The following ZSCAN5A variants were observed in gnomAD, a reference collection of about 807,000 sequenced individuals.
ZSCAN5A encodes zinc finger and SCAN domain containing 5A, also known as zinc finger and SCAN domain-containing protein 5A.
ZSCAN5A carries 12 observed loss-of-function variants against 23.7 expected under a neutral mutation model. The ratio of observed to expected loss-of-function variants is 0.51; its 90% confidence interval spans 0.32 to 0.82. The LOEUF is 0.82. ZSCAN5A is among the 40% of genes least tolerant of loss of function. The probability of loss-of-function intolerance (pLI) is 0.03; values close to 1 mark genes in which losing one functional copy is unlikely to be tolerated. For synonymous variants in ZSCAN5A, 257 were observed against 239.9 expected, an observed-to-expected ratio of 1.07 and a Z score of -0.66; for missense variants, 597 against 617.9, an observed-to-expected ratio of 0.97 and a Z score of 0.36.
chr19:56,263,981 T>A (rs2037298841), intron 2 of ZSCAN5A, among the ~76,000 whole-genome samples: 1 of 151,598 alleles, frequency 6.6e-6, no homozygotes, highest in African/African-American at 2.4e-5. Context: ...ACTTTTTTTT[T>A]TTTTTTGAGA....
At chr19:56,305,998 A>C (rs892476036) in intron 2 of ZSCAN5A, among the ~76,000 whole-genome samples, 5 of 152,152 alleles carry the variant, frequency 3.3e-5, no homozygotes, top group Non-Finnish European at 7.4e-5. Context: ...GTGGGAGGGC[A>C]CTATGGGAGG....
At chr19:56,270,042 T>C (rs1387692268) in intron 2 of ZSCAN5A, among the ~76,000 whole-genome samples, 1 of 152,012 alleles carries the variant, frequency 6.6e-6, no homozygotes, top group Non-Finnish European at 1.5e-5. Flanking sequence ...TTCTAACTGA[T>C]TGGCTGTCTG....
chr19:56,363,554 A>G (rs1204914608), intron 1 of ZSCAN5A, among the ~76,000 whole-genome samples: 2 of 152,232 alleles, frequency 1.3e-5, no homozygotes, highest in African/African-American at 4.8e-5. Flanking sequence ...GAGACTGTTA[A>G]GTGGTTGTGA....
At chr19:56,285,009 A>G in intron 2 of ZSCAN5A, 2 of 985,406 alleles carry the variant, frequency 2.0e-6, no homozygotes, top group Non-Finnish European at 2.4e-6. Flanking sequence ...TCTCATGAGC[A>G]GACTGTCACC....
At chr19:56,247,771 C>A (rs1011513692) in intron 2 of ZSCAN5A, among the ~76,000 whole-genome samples, 6 of 151,828 alleles carry the variant, frequency 4.0e-5, no homozygotes, top group Admixed American at 2.6e-4. Context: ...GGCTCACTGC[C>A]AGCTCAGTCT....
At chr19:56,285,412 C>A (rs908163880) in intron 2 of ZSCAN5A, among the ~76,000 whole-genome samples, 4 of 152,302 alleles carry the variant, frequency 2.6e-5, no homozygotes, top group African/African-American at 9.6e-5. Context: ...GTATGTACAT[C>A]CTTAACTCTT....
chr19:56,302,529 CCTCTTCT>C (rs779702029), intron 2 of ZSCAN5A, among the ~76,000 whole-genome samples: 8 of 92,548 alleles, frequency 8.6e-5, no homozygotes, highest in Non-Finnish European at 1.0e-4. Flanking sequence ...TCCCTCCCTC[CCTCTTCT>C]TCCTCCCCGT....
chr19:56,320,974 G>A (rs944046944), intron 2 of ZSCAN5A: 9 of 728,190 alleles, frequency 1.2e-5, no homozygotes, highest in South Asian at 5.7e-5. Flanking sequence ...CAGCATTTAG[G>A]GTATCTTCGC....
At chr19:56,260,003 T>C (rs1267897211) in intron 2 of ZSCAN5A, among the ~76,000 whole-genome samples, 1 of 152,100 alleles carries the variant, frequency 6.6e-6, no homozygotes, top group Non-Finnish European at 1.5e-5. Flanking sequence ...AATTGTTAAA[T>C]GCTATAAAAA....
At chr19:56,265,888 G>A (rs528544078) in intron 2 of ZSCAN5A, among the ~76,000 whole-genome samples, 57 of 152,260 alleles carry the variant, frequency 3.7e-4, no homozygotes, top group African/African-American at 1.2e-3. Context: ...AGCTTTGAGG[G>A]ACCCTGCTTG....
At chr19:56,358,076 T>C (rs2041709458) in intron 2 of ZSCAN5A, among the ~76,000 whole-genome samples, 1 of 148,970 alleles carries the variant, frequency 6.7e-6, no homozygotes. Context: ...ATCATAAATA[T>C]ATATTCACCC....
intron 4 of ZSCAN5A, 58 bp from the exon 5 acceptor site, chr19:56,222,799 C>T: frequency 6.2e-7 from 1 of 1,609,948 alleles, no homozygotes; most frequent in African/African-American, 1.3e-5. Context: ...GAAGCAGGGA[C>T]ACATCTGTCC....
intron 1 of ZSCAN5A, among the ~76,000 whole-genome samples, chr19:56,366,354 C>T (rs980333553): frequency 2.1e-5 from 3 of 141,846 alleles, no homozygotes; most frequent in Non-Finnish European, 3.0e-5. Context: ...AGGCAGGAGG[C>T]GGAGCTTGCA....
At chr19:56,302,183 T>C (rs908455861) in intron 2 of ZSCAN5A, 32 of 1,022,276 alleles carry the variant, frequency 3.1e-5, no homozygotes, top group Non-Finnish European at 3.5e-5. Flanking sequence ...CGAAGGAGGG[T>C]GCCTCAGAGG....
At chr19:56,282,174 G>A (rs1183401025) in intron 2 of ZSCAN5A, among the ~76,000 whole-genome samples, 2 of 152,164 alleles carry the variant, frequency 1.3e-5, no homozygotes, top group Non-Finnish European at 2.9e-5. Flanking sequence ...GAGAAGTGGA[G>A]ATGACACTTG....
chr19:56,364,636 C>T (rs2041754082), intron 1 of ZSCAN5A, among the ~76,000 whole-genome samples: 1 of 152,174 alleles, frequency 6.6e-6, no homozygotes, highest in South Asian at 2.1e-4. Flanking sequence ...GAGATATGTT[C>T]ATACAGCTTT....
At chr19:56,249,023 C>G (rs1354246861) in intron 2 of ZSCAN5A, among the ~76,000 whole-genome samples, 1 of 152,048 alleles carries the variant, frequency 6.6e-6, no homozygotes, top group Non-Finnish European at 1.5e-5. Context: ...CCCCCCGAAT[C>G]CTCTCTGCTC....
intron 2 of ZSCAN5A, among the ~76,000 whole-genome samples, chr19:56,263,040 T>C (rs1177471029): frequency 6.6e-6 from 1 of 152,178 alleles, no homozygotes; most frequent in Non-Finnish European, 1.5e-5. Context: ...ATAGAGACAC[T>C]TGGTAGAGAC....
At chr19:56,344,393 G>A (rs1443899751) in intron 2 of ZSCAN5A, among the ~76,000 whole-genome samples, 3 of 152,222 alleles carry the variant, frequency 2.0e-5, no homozygotes, top group Admixed American at 6.5e-5. Flanking sequence ...TGTTTTGGCT[G>A]TGTTTATGCT....
Sources: gnomAD v4.1 joint callset for allele counts (sites outside exome capture counted in the v4.1 genomes callset) on GRCh38, gnomAD v4.1.1 for gene constraint, MANE v1.5 for transcripts, NCBI Gene and HGNC (gene_info 2026-07-23, HGNC 2026-07-21) for gene names.